Variants in MFHAS1 observed in about 807,000 individuals in gnomAD.
MFHAS1 encodes the protein multifunctional ROCO family signaling regulator 1.
In MFHAS1, 50 loss-of-function variants were observed where a neutral mutation model predicts 70.4. The ratio of observed to expected loss-of-function variants is 0.71; its 90% CI spans 0.57 to 0.90. The LOEUF (loss-of-function observed/expected upper bound fraction) is 0.90, where lower values mean the gene tolerates loss of function less well. MFHAS1 is among the 40% of genes least tolerant of loss of function. The pLI is 0.00. For missense variants in MFHAS1, 1,795 were observed against 1,347.6 expected, an observed-to-expected ratio of 1.33 and a Z score of -5.20; for synonymous variants, 952 against 620.0, an observed-to-expected ratio of 1.54 and a Z score of -7.96.
chr8:8,890,719 G>A lies in MFHAS1; in HGVS notation c.2340C>T (p.Leu780=), dbSNP rs1472285673. 4 of 1,613,602 alleles carry A rather than the reference G, an allele frequency of 2.5e-6. No homozygotes were observed. The highest frequency in any genetic ancestry group is 2.7e-5 in the African/African-American group (2 of 74,940). Residue 780 remains leucine (L), a synonymous_variant, in exon 1 of 3, where the codon CTC becomes CTT. Coordinates refer to ENST00000276282, the MANE Select transcript of MFHAS1 (RefSeq NM_004225.3). ...MARSTPSQEL[L]RATQLHQYVE... ...CATACTGATGGAGCTGGGTGGCCCGGAGCAGTTCCTGGCTGGGGGTGGACC... is the reference window on the plus strand; with the variant it reads ...CATACTGATGGAGCTGGGTGGCCCGAAGCAGTTCCTGGCTGGGGGTGGACC...
intron 1 of MFHAS1, among the ~76,000 whole-genome samples, chr8:8,878,202 G>A (rs937414357): frequency 6.6e-6 from 1 of 152,102 alleles, no homozygotes; most frequent in South Asian, 2.1e-4. Flanking sequence ...AGAATATGAA[G>A]GGAGAGGAGG....
intron 1 of MFHAS1, chr8:8,821,741 C>T (rs1806964422): frequency 1.3e-5 from 2 of 152,174 alleles, no homozygotes; most frequent in South Asian, 4.1e-4. Context: ...TTAATAAAAT[C>T]CTATTGCTAT....
intron 1 of MFHAS1, among the ~76,000 whole-genome samples, chr8:8,842,993 C>A (rs1003772016): frequency 6.6e-6 from 1 of 152,044 alleles, no homozygotes. Context: ...AGGCCGGGCG[C>A]GGTGGCTCAC....
intron 1 of MFHAS1, among the ~76,000 whole-genome samples, chr8:8,805,201 T>C (rs1444839435): frequency 6.6e-6 from 1 of 152,196 alleles, no homozygotes; most frequent in Non-Finnish European, 1.5e-5. Flanking sequence ...CAGAATTTAG[T>C]CTCTTCCCTC....
At chr8:8,806,421 G>T (rs1216835338) in intron 1 of MFHAS1, among the ~76,000 whole-genome samples, 6 of 152,200 alleles carry the variant, frequency 3.9e-5, no homozygotes, top group Non-Finnish European at 8.8e-5. Flanking sequence ...ATTAATATTT[G>T]GAGAAATTTC....
intron 2 of MFHAS1, among the ~76,000 whole-genome samples, chr8:8,790,149 C>G (rs1437493636): frequency 1.3e-5 from 2 of 152,158 alleles, no homozygotes; most frequent in Non-Finnish European, 1.5e-5. Context: ...TCAAGCAGTT[C>G]CCTTCTTCCT....
chr8:8,786,363 TCTAA>T (rs760806682), intron 2 of MFHAS1, among the ~76,000 whole-genome samples: 58 of 152,326 alleles, frequency 3.8e-4, no homozygotes, highest in Non-Finnish European at 7.6e-4. Context: ...TAACTAGACC[TCTAA>T]CTAACAACCC....
chr8:8,796,402 C>T (rs1002334204), intron 2 of MFHAS1, among the ~76,000 whole-genome samples: 4 of 152,184 alleles, frequency 2.6e-5, no homozygotes, highest in Non-Finnish European at 4.4e-5. Context: ...GTTAAGACTG[C>T]CCGTCAAAAA....
At chr8:8,797,291 G>C in intron 2 of MFHAS1, 74 bp downstream of exon 2, 1 of 1,558,962 alleles carries the variant, frequency 6.4e-7, no homozygotes, top group East Asian at 2.3e-5. Context: ...GTTTAACCTG[G>C]ATTTTTGTGG....
chr8:8,788,394 G>C (rs1281601989), intron 2 of MFHAS1, among the ~76,000 whole-genome samples: 1 of 152,160 alleles, frequency 6.6e-6, no homozygotes, highest in Non-Finnish European at 1.5e-5. Context: ...AAGTACTGAG[G>C]AGAGCCAGGT....
intron 1 of MFHAS1, among the ~76,000 whole-genome samples, chr8:8,810,118 T>C (rs4840361): frequency 0.15 from 23,170 of 152,158 alleles, 2,127 homozygotes; most frequent in Middle Eastern, 0.22. Context: ...TGTAATCCCA[T>C]CACTTTGGGA....
chr8:8,850,300 G>T (rs1442999688), intron 1 of MFHAS1, among the ~76,000 whole-genome samples: 4 of 152,262 alleles, frequency 2.6e-5, no homozygotes, highest in Middle Eastern at 6.8e-3. Context: ...ACATGTCTGT[G>T]ACAATACACA....
chr8:8,828,682 T>A (rs1807254038), intron 1 of MFHAS1, among the ~76,000 whole-genome samples: 1 of 152,244 alleles, frequency 6.6e-6, no homozygotes. Flanking sequence ...AGATGCCCAC[T>A]GCCCACTAAG....
chr8:8,829,024 T>A (rs1024053798), intron 1 of MFHAS1, among the ~76,000 whole-genome samples: 1 of 152,134 alleles, frequency 6.6e-6, no homozygotes, highest in African/African-American at 2.4e-5. Context: ...CTCCCCAGCC[T>A]CTCACATTCA....
At position 8,892,875 on chromosome 8, in the gene MFHAS1, G is replaced by T. The variant is rs1585080320; in HGVS notation, c.184C>A (p.Leu62Ile). The change falls in exon 1 of 3, where the codon CTC becomes ATC. Residue 62 changes from leucine to isoleucine, a missense_variant. Physicochemically the swap from Leu to Ile is conservative, Grantham distance 5. Coordinates refer to ENST00000276282, the MANE Select transcript of MFHAS1 (RefSeq NM_004225.3). This position sits in a 1 kb window ranked among gnomAD's most constrained non-coding sequence, Gnocchi z 4.7. ...AGGTTCAGTGCCTCAATGTCCCCGA[G>T]GTTGGCCGGCAGCACGAGCTGGGGG... Reference protein sequence around the residue: ...ASPQLVLPANLGDIEALNLGN... With the variant: ...ASPQLVLPANIGDIEALNLGN... 6.3e-7 allele frequency: 1 copy of T among 1,588,272 alleles called. No homozygotes were observed. The highest frequency in any genetic ancestry group is 2.3e-5 in the East Asian group (1 of 43,020).
At chr8:8,839,960 T>C (rs1370408772) in intron 1 of MFHAS1, among the ~76,000 whole-genome samples, 2 of 152,168 alleles carry the variant, frequency 1.3e-5, no homozygotes, top group East Asian at 1.9e-4. Context: ...AAAAAAAAGA[T>C]ACAAACCCAC....
intron 1 of MFHAS1, among the ~76,000 whole-genome samples, chr8:8,818,373 T>G (rs1014654096): frequency 6.6e-6 from 1 of 152,212 alleles, no homozygotes; most frequent in Middle Eastern, 3.2e-3. Context: ...TAGTTCCTGG[T>G]TCATGCATCC....
intron 1 of MFHAS1, among the ~76,000 whole-genome samples, chr8:8,798,251 A>T (rs547378112): frequency 6.3e-4 from 96 of 152,286 alleles, no homozygotes; most frequent in African/African-American, 2.2e-3. Flanking sequence ...CTCAGAGAGT[A>T]CTCAAGAAAC....
At chr8:8,860,259 G>A (rs1808612260) in intron 1 of MFHAS1, among the ~76,000 whole-genome samples, 1 of 152,148 alleles carries the variant, frequency 6.6e-6, no homozygotes, top group Admixed American at 6.6e-5. Context: ...TCTCTTTGGT[G>A]GCAGATGCCC....
Sources: gnomAD v4.1 joint callset for allele counts (sites outside exome capture counted in the v4.1 genomes callset) on GRCh38, gnomAD v4.1.1 for gene constraint, Gnocchi (gnomAD v3.1) non-coding constraint, MANE v1.5 for transcripts, NCBI Gene and HGNC (gene_info 2026-07-23, HGNC 2026-07-21) for gene names.